The following SPATA17 variants were observed in gnomAD, a reference collection of about 807,000 sequenced individuals.
SPATA17 encodes spermatogenesis associated 17, also known as spermatogenesis-associated protein 17.
In SPATA17, 53 loss-of-function variants were observed where a neutral mutation model predicts 62.2. The observed-to-expected ratio is 0.85, with a 90% CI of 0.68 to 1.07. The LOEUF is 1.07. Among genes scored for constraint, SPATA17 ranks in the 50% least tolerant of loss-of-function variants. The probability of loss-of-function intolerance (pLI) is 0.00; values close to 1 mark genes in which losing one functional copy is unlikely to be tolerated. For missense variants in SPATA17, 466 were observed against 425.5 expected (o/e 1.10, Z -0.84); for synonymous variants, 146 against 146.8 (o/e 0.99, Z 0.04).
At chr1:217,857,012 G>C (rs983634543) in intron 9 of SPATA17, among the ~76,000 whole-genome samples, 1 of 152,126 alleles carries the variant, frequency 6.6e-6, no homozygotes, top group Non-Finnish European at 1.5e-5. Context: ...TTCTTGCCAT[G>C]CTCCTTTTTT....
chr1:217,777,945 T>C (rs961324572), intron 7 of SPATA17, among the ~76,000 whole-genome samples: 3 of 152,172 alleles, frequency 2.0e-5, no homozygotes, highest in African/African-American at 7.2e-5. Flanking sequence ...TAAATGTAAA[T>C]ATAAAATGAA....
At chr1:217,719,117 T>C (rs544203326) in intron 5 of SPATA17, among the ~76,000 whole-genome samples, 1 of 152,354 alleles carries the variant, frequency 6.6e-6, no homozygotes, top group Non-Finnish European at 1.5e-5. Flanking sequence ...CCTAGTGGGC[T>C]ACTAGAACAA....
At chr1:217,831,178 A>T (rs17727548) in intron 9 of SPATA17, among the ~76,000 whole-genome samples, 4,828 of 152,220 alleles carry the variant, frequency 0.032, 110 homozygotes, top group Middle Eastern at 0.065. Context: ...AGAAAATTAG[A>T]TGGTAGTTAT....
chr1:217,665,601 A>G (rs972228418), intron 3 of SPATA17: 6 of 152,208 alleles, frequency 3.9e-5, no homozygotes, highest in Admixed American at 2.6e-4. Context: ...CAGTGGTGGG[A>G]CTGGGTTCTC....
intron 8 of SPATA17, among the ~76,000 whole-genome samples, chr1:217,789,755 C>T (rs1673954042): frequency 6.6e-6 from 1 of 152,142 alleles, no homozygotes; most frequent in Non-Finnish European, 1.5e-5. Flanking sequence ...GGGATCATGG[C>T]TGGGTGTGGT....
chr1:217,730,203 T>A (rs1348922603), intron 5 of SPATA17, among the ~76,000 whole-genome samples: 11 of 151,826 alleles, frequency 7.2e-5, no homozygotes, highest in Non-Finnish European at 1.6e-4. Context: ...CAATGAACAA[T>A]GTCTTCAGTA....
chr1:217,642,650 A>G (rs1250856661), intron 1 of SPATA17, among the ~76,000 whole-genome samples: 3 of 152,130 alleles, frequency 2.0e-5, no homozygotes, highest in Non-Finnish European at 4.4e-5. Flanking sequence ...GTTCTTGTGA[A>G]AGTGAGTGAG....
intron 8 of SPATA17, among the ~76,000 whole-genome samples, chr1:217,787,457 A>G (rs1673897415): frequency 6.6e-6 from 1 of 152,028 alleles, no homozygotes; most frequent in African/African-American, 2.4e-5. Flanking sequence ...AGAGATACGG[A>G]GCTGTTTTCA....
At chr1:217,786,809 T>TCTTCTTCTTCTTCTC (rs1673882931) in intron 8 of SPATA17, among the ~76,000 whole-genome samples, 1 of 150,800 alleles carries the variant, frequency 6.6e-6, no homozygotes, top group Non-Finnish European at 1.5e-5. Context: ...TTCTTCTTCT[T>TCTTCTTCTTCTTCTC]CTTCCTCTGT....
intron 5 of SPATA17, among the ~76,000 whole-genome samples, chr1:217,726,462 C>A (rs1006907044): frequency 2.6e-5 from 4 of 152,208 alleles, no homozygotes; most frequent in African/African-American, 9.7e-5. Flanking sequence ...TCCCTTTTAT[C>A]CCCAAGTCTT....
At chr1:217,689,985 T>C (rs7536252) in intron 5 of SPATA17, among the ~76,000 whole-genome samples, 28,498 of 151,182 alleles carry the variant, frequency 0.19, 2,957 homozygotes, top group African/African-American at 0.28. Context: ...CTCACTGCAA[T>C]CTCCGCCTCC....
At chr1:217,725,893 A>C (rs1253606310) in intron 5 of SPATA17, among the ~76,000 whole-genome samples, 1 of 152,174 alleles carries the variant, frequency 6.6e-6, no homozygotes, top group Non-Finnish European at 1.5e-5. Flanking sequence ...TTCATCAGTA[A>C]ATTTTTATGA....
chr1:217,715,061 T>A (rs546112872), intron 5 of SPATA17, among the ~76,000 whole-genome samples: 1 of 152,174 alleles, frequency 6.6e-6, no homozygotes, highest in African/African-American at 2.4e-5. Flanking sequence ...GAGATTAATA[T>A]ATGGCATAAG....
At chr1:217,830,119 C>A (rs1675099766) in intron 9 of SPATA17, among the ~76,000 whole-genome samples, 1 of 151,990 alleles carries the variant, frequency 6.6e-6, no homozygotes, top group Non-Finnish European at 1.5e-5. Flanking sequence ...ACTTCTAAGG[C>A]AAATATGTGA....
chr1:217,639,693 T>C (rs1670013967), intron 1 of SPATA17, among the ~76,000 whole-genome samples: 1 of 152,166 alleles, frequency 6.6e-6, no homozygotes, highest in Non-Finnish European at 1.5e-5. Context: ...CTTAGGCAAG[T>C]TCAAAAGTTC....
At chr1:217,723,067 A>G (rs1672177852) in intron 5 of SPATA17, among the ~76,000 whole-genome samples, 2 of 152,214 alleles carry the variant, frequency 1.3e-5, no homozygotes, top group Non-Finnish European at 2.9e-5. Flanking sequence ...AGGACGTATT[A>G]GCATCAGCCC....
chr1:217,686,719 T>A (rs906621876), intron 5 of SPATA17, among the ~76,000 whole-genome samples: 25 of 152,282 alleles, frequency 1.6e-4, no homozygotes, highest in African/African-American at 5.5e-4. Context: ...ACTATTAACT[T>A]TTTGTTTTTT....
chr1:217,864,427 GGAAAA>G lies in SPATA17; in HGVS notation c.*2+1575_*2+1579del, dbSNP rs368141847. Among the ~76,000 whole-genome samples, 1,059 of 152,090 alleles carry G rather than the reference GGAAAA, an allele frequency of 7.0e-3. 13 individuals are homozygous for G. The highest frequency in any genetic ancestry group is 0.024 in the African/African-American group (998 of 41,480). On this transcript the variant is annotated intron_variant, in intron 10 of 10. Coordinates refer to ENST00000366933, the MANE Select transcript of SPATA17 (RefSeq NM_138796.4). ...TAAAAATGCCTACAATATATTTCTA[GGAAAA>G]GAAGACGGGATTCAAAGTACGCTGT...
intron 9 of SPATA17, among the ~76,000 whole-genome samples, chr1:217,851,609 G>T (rs1450214905): frequency 1.3e-5 from 2 of 152,100 alleles, no homozygotes; most frequent in Non-Finnish European, 2.9e-5. Flanking sequence ...TGTTTTCTGT[G>T]ACTGCTTGAA....
Sources: gnomAD v4.1 joint callset for allele counts (sites outside exome capture counted in the v4.1 genomes callset) on GRCh38, gnomAD v4.1.1 for gene constraint, MANE v1.5 for transcripts, NCBI Gene and HGNC (gene_info 2026-07-23, HGNC 2026-07-21) for gene names.